Variants in CNTNAP5 observed in about 807,000 individuals in gnomAD.
CNTNAP5 encodes the protein contactin associated protein family member 5.
CNTNAP5 carries 72 observed loss-of-function variants against 150.2 expected under a neutral mutation model. The ratio of observed to expected loss-of-function variants is 0.48; its 90% CI spans 0.40 to 0.58. CNTNAP5 has a LOEUF of 0.58. Ranked by LOEUF, CNTNAP5 falls within the 20% of genes least tolerant of loss-of-function variation. CNTNAP5 has a pLI of 0.00. For synonymous variants in CNTNAP5, 672 were observed against 619.8 expected (o/e 1.08, Z -1.25); for missense variants, 1,636 against 1,626.2 (o/e 1.01, Z -0.10).
intron 3 of CNTNAP5, among the ~76,000 whole-genome samples, chr2:124,337,131 A>G (rs1689492480): frequency 6.6e-6 from 1 of 152,142 alleles, no homozygotes; most frequent in Non-Finnish European, 1.5e-5. Flanking sequence ...GCCAGTGATG[A>G]TGAGCATTTT....
intron 4 of CNTNAP5, among the ~76,000 whole-genome samples, chr2:124,423,737 T>A (rs11691551): frequency 0.16 from 19,825 of 127,088 alleles, 1,658 homozygotes; most frequent in Non-Finnish European, 0.2. Context: ...CAATCGCGGC[T>A]CACTGCAAGC....
intron 4 of CNTNAP5, among the ~76,000 whole-genome samples, chr2:124,432,501 A>G (rs1692416194): frequency 6.6e-6 from 1 of 152,152 alleles, no homozygotes. Context: ...CAGTTCAGTT[A>G]GCATTACTGT....
intron 3 of CNTNAP5, among the ~76,000 whole-genome samples, chr2:124,408,131 C>A (rs1210169909): frequency 2.0e-5 from 3 of 152,192 alleles, no homozygotes; most frequent in Non-Finnish European, 4.4e-5. Context: ...CGGAAGGCAC[C>A]TGGAAAATCG....
Position 124,025,545 on chromosome 2 carries a change from G to T in CNTNAP5, c.-106G>T, listed in dbSNP as rs976475053. On this transcript the variant is annotated 5_prime_UTR_variant, in exon 1 of 24. Transcript: ENST00000682447. ...AGAGCGAGTGCCTCTCCAAGCGGGG[G>T]TGGGAGGGGGTCAGGCTGTGCAGAG... The T allele has an allele frequency of 2.9e-5, 27 of 922,240 alleles. No homozygotes were observed. Among genetic ancestry groups the T allele is most frequent in the Middle Eastern group, 4.9e-4 (2 of 4,094 alleles). 57.1% of individuals were successfully genotyped at this position (922,240 alleles called of 1,614,324 possible). A position where few individuals can be genotyped will look rare whatever the true frequency, so the allele number is the denominator to read the frequency against.
chr2:124,082,348 CA>C lies in CNTNAP5; in HGVS notation c.82+56641del, dbSNP rs56285830. Among the ~76,000 whole-genome samples the C allele has an allele frequency of 8.5e-3, 624 of 73,554 alleles. 2 individuals are homozygous for C. Among genetic ancestry groups the C allele is most frequent in the African/African-American group, 0.027 (503 of 18,798 alleles). The allele number at this position is 73,554 out of a possible 152,430, so 48.3% of individuals were successfully genotyped here. On this transcript the variant is annotated intron_variant, in intron 1 of 23. Transcript: ENST00000682447. Reference sequence around the variant, plus strand: ...TGGGCAACAGAGTGAGACTCTCTCTCAAAAAAAAAAAAAAAAAAAAAAAAAG... The same window carrying C: ...TGGGCAACAGAGTGAGACTCTCTCTCAAAAAAAAAAAAAAAAAAAAAAAAG...
intron 3 of CNTNAP5, among the ~76,000 whole-genome samples, chr2:124,255,378 G>T (rs1687281708): frequency 6.6e-6 from 1 of 151,776 alleles, no homozygotes; most frequent in African/African-American, 2.4e-5. Context: ...CAAAAATTTA[G>T]CCGGGTGTGG....
At chr2:124,166,889 G>A (rs559172200) in intron 1 of CNTNAP5, among the ~76,000 whole-genome samples, 15 of 152,136 alleles carry the variant, frequency 9.9e-5, no homozygotes, top group African/African-American at 3.6e-4. Context: ...CCATCTCCAA[G>A]CCTTCCCCCA....
At chr2:124,542,878 A>G (rs11899391) in intron 10 of CNTNAP5, among the ~76,000 whole-genome samples, 63,116 of 151,782 alleles carry the variant, frequency 0.42, 13,565 homozygotes, top group East Asian at 0.63. Context: ...GATAAACTGC[A>G]TATGAAGCTA....
chr2:124,738,821 G>T (rs891358933), intron 13 of CNTNAP5, among the ~76,000 whole-genome samples: 1 of 152,156 alleles, frequency 6.6e-6, no homozygotes, highest in African/African-American at 2.4e-5. Context: ...AGCTATGCAG[G>T]TTCTCAGATG....
chr2:124,046,392 T>C (rs1681535528), intron 1 of CNTNAP5, among the ~76,000 whole-genome samples: 1 of 148,804 alleles, frequency 6.7e-6, no homozygotes, highest in African/African-American at 2.5e-5. Flanking sequence ...TTTCCCTTTG[T>C]CCTTTCCTCC....
chr2:124,786,389 A>AAG (rs1403622659), intron 17 of CNTNAP5, among the ~76,000 whole-genome samples: 1 of 92,344 alleles, frequency 1.1e-5, no homozygotes, highest in African/African-American at 5.1e-5. Context: ...GAAAGAAAGA[A>AAG]AGAAAGAAAG....
At chr2:124,350,046 A>G (rs1689839036) in intron 3 of CNTNAP5, among the ~76,000 whole-genome samples, 1 of 151,672 alleles carries the variant, frequency 6.6e-6, no homozygotes, top group Admixed American at 6.6e-5. Context: ...AACCATGCCC[A>G]GCTAATTTTT....
chr2:124,431,486 G>A (rs7592390), intron 4 of CNTNAP5, among the ~76,000 whole-genome samples: 1 of 141,784 alleles, frequency 7.1e-6, no homozygotes, highest in East Asian at 2.1e-4. Context: ...CATAACCATT[G>A]CTTGGACAAA....
intron 21 of CNTNAP5, among the ~76,000 whole-genome samples, chr2:124,892,669 C>A (rs1205454679): frequency 6.6e-6 from 1 of 152,080 alleles, no homozygotes; most frequent in Non-Finnish European, 1.5e-5. Flanking sequence ...TTGTGGCATG[C>A]TTGCTTGAAG....
chr2:124,706,785 GAA>G (rs1679653528), intron 13 of CNTNAP5, among the ~76,000 whole-genome samples: 450 of 35,376 alleles, frequency 0.013, 1 homozygote, highest in Non-Finnish European at 0.019. Context: ...AGAAGAAGAA[GAA>G]GAAGAAGAAG....
At position 124,434,543 on chromosome 2, in the gene CNTNAP5, T is replaced by C. The variant is rs1202592229; in HGVS notation, c.589T>C (p.Leu197=). The C allele has an allele frequency of 5.6e-6, 9 of 1,613,960 alleles. No homozygotes were observed. Among genetic ancestry groups the C allele is most frequent in the Non-Finnish European group, 6.8e-6 (8 of 1,179,864 alleles). ...ACTTCTGTACAGGTTCAATCAGAAG[T>C]TGATGAGTACTCTCAAAGATGTGAT... ...SSLLYRFNQK[L]MSTLKDVISL... Residue 197 remains leucine, a synonymous_variant, in exon 5 of 24, where the codon TTG becomes CTG. Transcript: ENST00000682447.
intron 3 of CNTNAP5, among the ~76,000 whole-genome samples, chr2:124,353,566 C>T (rs1186043491): frequency 6.6e-6 from 1 of 152,140 alleles, no homozygotes; most frequent in Non-Finnish European, 1.5e-5. Context: ...CAGGTCTGCT[C>T]TCAGGCAGGC....
chr2:124,633,138 C>T (rs886330145), intron 12 of CNTNAP5, among the ~76,000 whole-genome samples: 2 of 152,072 alleles, frequency 1.3e-5, no homozygotes, highest in East Asian at 3.9e-4. Context: ...ATCTCATGTC[C>T]TTCTCATATT....
chr2:124,100,328 T>C (rs1275079923), intron 1 of CNTNAP5, among the ~76,000 whole-genome samples: 2 of 152,140 alleles, frequency 1.3e-5, no homozygotes, highest in Admixed American at 6.5e-5. Flanking sequence ...ACCTCCAACA[T>C]TGAGGACTAC....
Sources: allele counts gnomAD v4.1 joint callset (sites outside exome capture counted in the v4.1 genomes callset), GRCh38; gene constraint gnomAD v4.1.1; transcripts MANE v1.5; gene names NCBI Gene and HGNC (gene_info 2026-07-23, HGNC 2026-07-21).